VPS13C: variants seen among roughly 807,000 people sequenced by gnomAD.
The protein encoded by VPS13C is intermembrane lipid transfer protein VPS13C.
In VPS13C, 358 loss-of-function variants were observed where a neutral mutation model predicts 456.8. That is an observed-to-expected ratio of 0.78 (90% confidence interval 0.72 to 0.86). VPS13C has a LOEUF of 0.86. Ranked by LOEUF, VPS13C falls within the 40% of genes least tolerant of loss-of-function variation. The pLI, the probability that VPS13C is intolerant of heterozygous loss-of-function variation, is 0.00. For synonymous variants in VPS13C, 1,578 were observed against 1,486.7 expected (o/e 1.06, Z -1.41); for missense variants, 4,818 against 4,385.4 (o/e 1.10, Z -2.79).
At chr15:61,983,792 TAAAG>T in intron 20 of VPS13C, 24 bp downstream of exon 20, 1 of 1,603,566 alleles carries the variant, frequency 6.2e-7, no homozygotes, top group Non-Finnish European at 8.5e-7. Context: ...ATGATTTAAA[TAAAG>T]AGTTACTTTC....
At chr15:61,969,156 G>C (rs1019748442) in intron 28 of VPS13C, 143 bp downstream of exon 28, 5 of 554,668 alleles carry the variant, frequency 9.0e-6, no homozygotes, top group Non-Finnish European at 1.5e-5. Context: ...ACTGCTATAA[G>C]GATTAAATGA....
At chr15:61,900,737 T>G (rs1368442873) in intron 66 of VPS13C, among the ~76,000 whole-genome samples, 1 of 151,564 alleles carries the variant, frequency 6.6e-6, no homozygotes, top group East Asian at 1.9e-4. Flanking sequence ...AATGCCTTTC[T>G]TCACAGAATT....
At chr15:61,913,242 T>C in intron 62 of VPS13C, 69 bp downstream of exon 62, 1 of 1,397,754 alleles carries the variant, frequency 7.2e-7, no homozygotes, top group Non-Finnish European at 1.0e-6. Context: ...ATATGTTTAT[T>C]CCAACTTGTT....
At chr15:61,961,168 C>T (rs1336443344) in intron 35 of VPS13C, among the ~76,000 whole-genome samples, 12 of 151,466 alleles carry the variant, frequency 7.9e-5, no homozygotes. Context: ...GCAGGTGGAT[C>T]ACCTGAGGTG....
chr15:62,021,553 T>C (rs148457018), intron 8 of VPS13C, among the ~76,000 whole-genome samples: 2 of 152,000 alleles, frequency 1.3e-5, no homozygotes, highest in East Asian at 1.9e-4. Context: ...AAAAGTCTTA[T>C]AGAATTGTTT....
At chr15:62,018,233 C>T (rs912484210) in intron 9 of VPS13C, among the ~76,000 whole-genome samples, 1 of 152,116 alleles carries the variant, frequency 6.6e-6, no homozygotes, top group African/African-American at 2.4e-5. Context: ...CATCTGCAAA[C>T]ACGGACAATT....
rs780290131 is a variant in VPS13C at position 61,878,684 on chromosome 15, C to T, written c.10065G>A (p.Met3355Ile). The T allele has an allele frequency of 1.2e-6, 2 of 1,611,646 alleles. No individual in the cohort carries two copies. The highest frequency in any genetic ancestry group is 2.2e-5 in the East Asian group (1 of 44,732). The change falls in exon 74 of 85, where the codon ATG (methionine) becomes ATA (isoleucine). Residue 3355 changes from methionine to isoleucine, a missense_variant. By Grantham distance (10) the Met-to-Ile change is conservative. This residue lies in a region of VPS13C where 4,552 missense variants were observed against 4,130.6 expected (regional missense o/e 1.10). Transcript: ENST00000644861. ...GEESDKEKQE[M>I]FAVHSVNLLL... ...GCAAGTTGACAGAATGAACTGCAAA[C>T]ATTTCCTGTTTTTCTTTGTCTGATT...
intron 12 of VPS13C, 93 bp from the exon 13 acceptor site, chr15:62,010,692 A>G (rs2047008999): frequency 8.0e-7 from 1 of 1,253,222 alleles, no homozygotes; most frequent in South Asian, 2.4e-5. Flanking sequence ...CTCTAGAAGT[A>G]AAGAAAAATG....
chr15:61,997,473 C>T lies in VPS13C; in HGVS notation c.1353+3091G>A, dbSNP rs979547420. Among the ~76,000 whole-genome samples the T allele has an allele frequency of 2.6e-5, 4 of 152,146 alleles. No homozygotes were observed. In the East Asian group the frequency reaches 7.7e-4, roughly 29 times the overall value. ...ATCCAGCACAGACTCCTCTTCTGAA[C>T]TCCACATAATTGCCTACTCCACTGC... On this transcript the variant is annotated intron_variant, in intron 16 of 84. Transcript: ENST00000644861.
chr15:61,920,153 A>G lies in VPS13C; in HGVS notation c.7391T>C (p.Leu2464Pro). 1 of 1,613,634 alleles carries G rather than the reference A, an allele frequency of 6.2e-7. No individual in the cohort carries two copies. Among genetic ancestry groups the G allele is most frequent in the East Asian group, 2.2e-5 (1 of 44,866 alleles). The stretch of plus-strand genomic sequence containing the variant: ...TGAAGGTACCATGCTGGCATACTCC[A>G]GTTCCAAATTCTGGCCAGCATCAAC... ...FDVDAGQNLELEYASMVPSSQ... is the reference protein window; with the variant it reads ...FDVDAGQNLEPEYASMVPSSQ... The change falls in exon 57 of 85, where the codon CTG (leucine) becomes CCG (proline). Residue 2464 changes from leucine (L) to proline (P), a missense_variant. This residue lies in a region of VPS13C where 4,552 missense variants were observed against 4,130.6 expected (regional missense o/e 1.10). Transcript: ENST00000644861.
At position 61,858,144 on chromosome 15, in the gene VPS13C, A is replaced by G. The variant is rs1208985226; in HGVS notation, c.10953-1735T>C. ...AATTCACTATTCCAAATATCTTTAA[A>G]CTCTTCTCTTTACCATCCCAATAAT... On this transcript the variant is annotated intron_variant, in intron 82 of 84. Coordinates refer to ENST00000644861, the MANE Select transcript of VPS13C (RefSeq NM_020821.3). This position sits in a 1 kb window ranked among gnomAD's most constrained non-coding sequence, Gnocchi z 4.4. Among the ~76,000 whole-genome samples, 1 of 151,332 alleles carries G rather than the reference A, an allele frequency of 6.6e-6. No homozygotes were observed. The highest frequency in any genetic ancestry group is 1.5e-5 in the Non-Finnish European group (1 of 67,790).
chr15:62,033,725 G>A (rs569543044), intron 4 of VPS13C, among the ~76,000 whole-genome samples, 183 bp from the exon 5 acceptor site: 1 of 151,658 alleles, frequency 6.6e-6, no homozygotes, highest in East Asian at 1.9e-4. Flanking sequence ...ACAAAAAACT[G>A]AAATACAAAA....
At chr15:61,947,112 G>T in intron 43 of VPS13C, 81 bp downstream of exon 43, 1 of 897,132 alleles carries the variant, frequency 1.1e-6, no homozygotes, top group Non-Finnish European at 1.7e-6. Context: ...GAAAACTCAT[G>T]AGAAATCTAA....
At chr15:61,874,841 A>G in intron 77 of VPS13C, 35 bp downstream of exon 77, 1 of 1,514,420 alleles carries the variant, frequency 6.6e-7, no homozygotes, top group Admixed American at 2.1e-5. Context: ...ATATAATAAA[A>G]AATATACACA....
intron 22 of VPS13C, among the ~76,000 whole-genome samples, chr15:61,979,710 A>C (rs2045815551): frequency 6.6e-6 from 1 of 152,230 alleles, no homozygotes; most frequent in Non-Finnish European, 1.5e-5. Context: ...GAGACATTTC[A>C]ACTGATTCAG....
chr15:62,021,417 CTA>C (rs2047456174), intron 8 of VPS13C, among the ~76,000 whole-genome samples: 1 of 151,874 alleles, frequency 6.6e-6, no homozygotes, highest in African/African-American at 2.4e-5. Flanking sequence ...TCTTTAGTCT[CTA>C]TATCCAAAAT....
intron 72 of VPS13C, 47 bp from the exon 73 acceptor site, chr15:61,880,769 T>A: frequency 6.5e-7 from 1 of 1,539,446 alleles, no homozygotes; most frequent in East Asian, 2.3e-5. Context: ...TTTTTCTCTA[T>A]TAGAATTCGT....
intron 13 of VPS13C, 45 bp downstream of exon 13, chr15:62,010,427 A>G: frequency 6.8e-7 from 1 of 1,479,702 alleles, no homozygotes; most frequent in Non-Finnish European, 9.0e-7. Context: ...AAAGCAGTCA[A>G]GATTCAAGGC....
Position 62,008,656 on chromosome 15 carries a change from A to G in VPS13C, c.1117T>C (p.Trp373Arg), listed in dbSNP as rs1360036598. The G allele has an allele frequency of 4.4e-6, 7 of 1,595,534 alleles. No homozygotes were observed. The highest frequency in any genetic ancestry group is 6.0e-6 in the Non-Finnish European group (7 of 1,170,848). The part of the protein sequence containing the change: ...YLPLHTNGRR[W>R]WKYAIDSVLE... ...AACAAAAAACAAATTCTAACTTACCATCGTCGACCATTGGTATGAAGTGGT... is the reference window on the plus strand; with the variant it reads ...AACAAAAAACAAATTCTAACTTACCGTCGTCGACCATTGGTATGAAGTGGT... Residue 373 changes from tryptophan (W) to arginine (R), a missense_variant and splice_region_variant, in exon 14 of 85, where the codon TGG (tryptophan) becomes CGG (arginine). Around this residue, in one of 3 missense-constraint regions of VPS13C, gnomAD observed 4,552 missense variants for 4,130.6 expected, o/e 1.10. Transcript: ENST00000644861.
Sources: gnomAD v4.1 joint callset for allele counts (sites outside exome capture counted in the v4.1 genomes callset) on GRCh38, gnomAD v4.1.1 for gene constraint, gnomAD v4.1.1 regional missense constraint, Gnocchi (gnomAD v3.1) non-coding constraint, MANE v1.5 for transcripts, NCBI Gene and HGNC (gene_info 2026-07-23, HGNC 2026-07-21) for gene names.